The following RALGAPA2 variants were observed in gnomAD, a reference collection of about 807,000 sequenced individuals.
RALGAPA2 encodes the protein ral GTPase-activating protein subunit alpha-2.
RALGAPA2 carries 139 observed loss-of-function variants against 230.4 expected under a neutral mutation model. The observed-to-expected ratio is 0.60, with a 90% CI of 0.53 to 0.69. The LOEUF (loss-of-function observed/expected upper bound fraction) is 0.69. RALGAPA2 is among the 30% of genes least tolerant of loss of function. The probability of loss-of-function intolerance (pLI) is 0.00; values close to 1 mark genes in which losing one functional copy is unlikely to be tolerated. For missense variants in RALGAPA2, 2,163 were observed against 2,276.0 expected (o/e 0.95, Z 1.01); for synonymous variants, 847 against 837.8 (o/e 1.01, Z -0.19).
intron 23 of RALGAPA2, among the ~76,000 whole-genome samples, chr20:20,562,286 T>C (rs998257719): frequency 1.3e-5 from 2 of 152,182 alleles, no homozygotes; most frequent in African/African-American, 4.8e-5. Context: ...TTAAAAAAGA[T>C]TCCGGTGATC....
chr20:20,478,135 T>C (rs1395212563), intron 36 of RALGAPA2, among the ~76,000 whole-genome samples: 1 of 152,224 alleles, frequency 6.6e-6, no homozygotes, highest in Non-Finnish European at 1.5e-5. Context: ...CCTCTATGTT[T>C]AGAAATTAAG....
At chr20:20,503,236 G>A (rs1031436041) in intron 35 of RALGAPA2, 115 bp downstream of exon 35, 24 of 1,043,062 alleles carry the variant, frequency 2.3e-5, no homozygotes, top group South Asian at 1.6e-4. Context: ...TCTCAGGGTC[G>A]TAGAGTTCAG....
intron 35 of RALGAPA2, among the ~76,000 whole-genome samples, chr20:20,499,014 A>C (rs2062294206): frequency 6.6e-6 from 1 of 152,230 alleles, no homozygotes; most frequent in African/African-American, 2.4e-5. Flanking sequence ...CAGAATTGAA[A>C]AAGTCCCCCC....
At chr20:20,660,796 A>C (rs1464733081) in intron 3 of RALGAPA2, among the ~76,000 whole-genome samples, 1 of 152,120 alleles carries the variant, frequency 6.6e-6, no homozygotes, top group Admixed American at 6.6e-5. Flanking sequence ...TAGAGCCTAG[A>C]CTATGTCTCA....
At chr20:20,585,013 T>A in intron 18 of RALGAPA2, 58 bp from the exon 19 acceptor site, 1 of 1,164,216 alleles carries the variant, frequency 8.6e-7, no homozygotes. Flanking sequence ...GTTATAAGAC[T>A]TAAGTTTCTA....
chr20:20,681,278 C>A (rs564398553), intron 1 of RALGAPA2, among the ~76,000 whole-genome samples: 1 of 152,292 alleles, frequency 6.6e-6, no homozygotes, highest in South Asian at 2.1e-4. Context: ...ACTCTCTGGG[C>A]ATGAAAAGAG....
rs576234028 is a variant in RALGAPA2, at chr20:20,454,384, C to T, written c.5495+18445G>A. 2.6e-5 allele frequency among the ~76,000 whole-genome samples: 4 copies of T among 152,330 alleles called. No homozygotes were observed. In the South Asian group the frequency reaches 8.3e-4, roughly 32 times the overall value. Reference sequence around the variant, plus strand: ...TGCTGAGGCTCTCGCACACAGCAGGCATGACACTCGTGGCTCTATTGGCCA... The same window carrying T: ...TGCTGAGGCTCTCGCACACAGCAGGTATGACACTCGTGGCTCTATTGGCCA... On this transcript the variant is annotated intron_variant, in intron 37 of 39. Transcript: ENST00000202677.
chr20:20,486,127 G>C (rs1029944426), intron 36 of RALGAPA2, among the ~76,000 whole-genome samples: 1 of 151,964 alleles, frequency 6.6e-6, no homozygotes, highest in Non-Finnish European at 1.5e-5. Flanking sequence ...ACAACAGACT[G>C]ACAGTCTGTT....
intron 24 of RALGAPA2, among the ~76,000 whole-genome samples, chr20:20,538,067 A>C (rs2063544389): frequency 6.6e-6 from 1 of 152,172 alleles, no homozygotes; most frequent in African/African-American, 2.4e-5. Flanking sequence ...CAGAGAGATG[A>C]GGCGCAGTAT....
At chr20:20,658,386 G>A (rs934099945) in intron 3 of RALGAPA2, among the ~76,000 whole-genome samples, 1 of 152,134 alleles carries the variant, frequency 6.6e-6, no homozygotes, top group African/African-American at 2.4e-5. Flanking sequence ...CTAGATGAAG[G>A]CTACCTTTAC....
In RALGAPA2 at chr20:20,595,248, T is replaced by C. The variant is rs553073352; in HGVS notation, c.2204-3934A>G. Among the ~76,000 whole-genome samples, 15 of 152,330 alleles carry C rather than the reference T, an allele frequency of 9.8e-5. No homozygotes were observed. In the South Asian group the frequency reaches 2.9e-3, roughly 29 times the overall value. On this transcript the variant is annotated intron_variant, in intron 16 of 39. Transcript: ENST00000202677. ...ATTTAGTAAGTGGAGTGAGGCTCAT[T>C]CTTCAATAACCAAAATTCTGAGTTC...
chr20:20,397,079 C>T (rs1362718663), intron 38 of RALGAPA2, among the ~76,000 whole-genome samples: 1 of 152,210 alleles, frequency 6.6e-6, no homozygotes. Context: ...TCCAACTTTT[C>T]CTGACTGATT....
chr20:20,581,960 T>C (rs1428831945), intron 20 of RALGAPA2, among the ~76,000 whole-genome samples: 2 of 152,182 alleles, frequency 1.3e-5, no homozygotes, highest in Non-Finnish European at 2.9e-5. Context: ...TACCTGTGTG[T>C]GAACATGAAT....
At chr20:20,457,971 G>A (rs2061162566) in intron 37 of RALGAPA2, among the ~76,000 whole-genome samples, 1 of 152,204 alleles carries the variant, frequency 6.6e-6, no homozygotes, top group Non-Finnish European at 1.5e-5. Flanking sequence ...CCTGGATGCT[G>A]AGGGAGGCAG....
intron 24 of RALGAPA2, among the ~76,000 whole-genome samples, chr20:20,537,294 T>C (rs1303856598): frequency 1.3e-5 from 2 of 152,114 alleles, no homozygotes; most frequent in East Asian, 3.8e-4. Flanking sequence ...TGAGATACTT[T>C]TATTTGCCCA....
At chr20:20,520,131 T>C (rs1055195882) in intron 31 of RALGAPA2, among the ~76,000 whole-genome samples, 18 of 152,188 alleles carry the variant, frequency 1.2e-4, no homozygotes, top group Non-Finnish European at 5.9e-5. Context: ...ATACCTTTCA[T>C]CTCAGGGTAA....
intron 16 of RALGAPA2, among the ~76,000 whole-genome samples, chr20:20,600,093 G>A (rs769919974): frequency 4.6e-5 from 7 of 151,896 alleles, no homozygotes; most frequent in Non-Finnish European, 1.0e-4. Context: ...TAAGGAGTAC[G>A]AGAACAGTCT....
At chr20:20,622,428 C>A (rs770417237) in intron 10 of RALGAPA2, among the ~76,000 whole-genome samples, 20 of 151,930 alleles carry the variant, frequency 1.3e-4, no homozygotes, top group Non-Finnish European at 2.9e-4. Flanking sequence ...TGCTGAAAAC[C>A]AAAGATAATC....
intron 9 of RALGAPA2, among the ~76,000 whole-genome samples, chr20:20,634,891 C>G (rs2066805097): frequency 6.6e-6 from 1 of 152,200 alleles, no homozygotes; most frequent in Non-Finnish European, 1.5e-5. Flanking sequence ...GAGGTCTCTT[C>G]TGAAGGCCTC....
Sources: allele counts gnomAD v4.1 joint callset (sites outside exome capture counted in the v4.1 genomes callset), GRCh38; gene constraint gnomAD v4.1.1; transcripts MANE v1.5; gene names NCBI Gene and HGNC (gene_info 2026-07-23, HGNC 2026-07-21).